The following PIP5K1C variants were observed in gnomAD, a reference collection of about 807,000 sequenced individuals.
PIP5K1C encodes phosphatidylinositol 4-phosphate 5-kinase type-1 gamma.
A neutral mutation model predicts 80.1 loss-of-function variants in PIP5K1C; 45 were observed. The ratio of observed to expected loss-of-function variants is 0.56; its 90% confidence interval spans 0.44 to 0.72. The LOEUF (loss-of-function observed/expected upper bound fraction) is 0.72, where lower values mean the gene tolerates loss of function less well. PIP5K1C is among the 30% of genes least tolerant of loss of function. The pLI is 0.00. For missense variants in PIP5K1C, 753 were observed against 954.6 expected (o/e 0.79, Z 2.78); for synonymous variants, 498 against 420.1 (o/e 1.19, Z -2.27).
intron 2 of PIP5K1C, 115 bp from the exon 3 acceptor site, chr19:3,665,029 AG>A: frequency 1.2e-6 from 1 of 851,586 alleles, no homozygotes; most frequent in Non-Finnish European, 1.9e-6. Context: ...AGGGGTGCAC[AG>A]GGCAGGGGGC....
At chr19:3,656,084 G>A (rs1022428655) in intron 6 of PIP5K1C, among the ~76,000 whole-genome samples, 1 of 152,238 alleles carries the variant, frequency 6.6e-6, no homozygotes, top group Admixed American at 6.5e-5. Context: ...CCCGCAGGCT[G>A]CTGGTTCTGG....
In PIP5K1C at chr19:3,651,987, G is replaced by C. The variant is rs554029610; in HGVS notation, c.966C>G (p.Gly322=). The C allele has an allele frequency of 6.2e-7, 1 of 1,613,144 alleles. No homozygotes were observed. The highest frequency in any genetic ancestry group is 1.1e-5 in the South Asian group (1 of 91,090). The stretch of plus-strand genomic sequence containing the variant: ...GCTCGTGCTGGTCGATGTTGTGCAC[G>C]CCCAGCAGCAGGCTGTAGTCCATGA... The part of the protein sequence containing the change: ...FKIMDYSLLL[G]VHNIDQHERE... The change falls in exon 8 of 18, where the codon GGC becomes GGG. Residue 322 remains glycine, a synonymous_variant. Transcript: ENST00000335312.
intron 8 of PIP5K1C, among the ~76,000 whole-genome samples, chr19:3,650,467 G>A (rs2034396127): frequency 6.6e-6 from 1 of 152,258 alleles, no homozygotes; most frequent in African/African-American, 2.4e-5. Flanking sequence ...CATGTCTGGG[G>A]ACATCTGTGG....
chr19:3,667,295 G>C (rs918456394), intron 2 of PIP5K1C, 27 bp downstream of exon 2: 3 of 1,608,606 alleles, frequency 1.9e-6, no homozygotes, highest in Middle Eastern at 3.3e-4. Flanking sequence ...GGGGACCCCA[G>C]GCCCTTCGTC....
chr19:3,633,937 C>G (rs2033565681), intron 16 of PIP5K1C, among the ~76,000 whole-genome samples: 1 of 152,124 alleles, frequency 6.6e-6, no homozygotes, highest in African/African-American at 2.4e-5. Flanking sequence ...CCTGGAAGCT[C>G]TCTATGGGGG....
rs192463884 is a variant in PIP5K1C at position 3,680,619 on chromosome 19, T to C, written c.95-13266A>G. ...GCCCGGACTGTCTAAATACAATGTC[T>C]AATAAGAAAAGGTTTTAAGCACCTG... On this transcript the variant is annotated intron_variant, in intron 1 of 17. Transcript: ENST00000335312. 6.6e-5 allele frequency among the ~76,000 whole-genome samples: 10 copies of C among 152,328 alleles called. No homozygotes were observed. In the East Asian group the frequency reaches 1.2e-3, roughly 18 times the overall value.
chr19:3,691,435 C>T (rs938326520), intron 1 of PIP5K1C, among the ~76,000 whole-genome samples: 2 of 152,156 alleles, frequency 1.3e-5, no homozygotes, highest in Non-Finnish European at 2.9e-5. Flanking sequence ...CAACCAACCG[C>T]GAGCCCACGC....
chr19:3,656,458 C>T lies in PIP5K1C; in HGVS notation c.568G>A (p.Val190Ile), dbSNP rs1246673332. ...TSDDEFIIKTVMHKEAEFLQK... is the reference protein window; with the variant it reads ...TSDDEFIIKTIMHKEAEFLQK... ...AGGAACTCGGCCTCCTTGTGCATGA[C>T]GGTCTTGATGATGAACTCGTCGTCG... Residue 190 changes from valine to isoleucine, a missense_variant, in exon 6 of 18, where the codon GTC becomes ATC. Val to Ile is a conservative substitution (Grantham distance 29). Coordinates refer to ENST00000335312, the MANE Select transcript of PIP5K1C (RefSeq NM_012398.3). 4 of 1,613,684 alleles carry T rather than the reference C, an allele frequency of 2.5e-6. No homozygotes were observed. The highest frequency in any genetic ancestry group is 3.4e-6 in the Non-Finnish European group (4 of 1,180,024).
chr19:3,650,416 C>T (rs1261890121), intron 8 of PIP5K1C, among the ~76,000 whole-genome samples: 1 of 152,258 alleles, frequency 6.6e-6, no homozygotes, highest in Non-Finnish European at 1.5e-5. Flanking sequence ...GGCACAATCT[C>T]AGCACTGCTA....
At position 3,637,080 on chromosome 19, in the gene PIP5K1C, C is replaced by A; in HGVS notation, c.1920+1804G>T. On this transcript the variant is annotated intron_variant, in intron 16 of 17. Transcript: ENST00000335312. The surrounding 1 kb of genome is among the most constrained non-coding windows in gnomAD (Gnocchi z 7.0). Reference sequence around the variant, plus strand: ...TCTCCTCCCCGTCTCCATGGCCCTGCGGTTCAGAGCCCGGCCCTGCAGCCA... The same window carrying A: ...TCTCCTCCCCGTCTCCATGGCCCTGAGGTTCAGAGCCCGGCCCTGCAGCCA... The A allele has an allele frequency of 8.1e-7, 1 of 1,239,170 alleles. No individual in the cohort carries two copies. Among genetic ancestry groups the A allele is most frequent in the Admixed American group, 4.1e-5 (1 of 24,512 alleles). 76.8% of individuals were successfully genotyped at this position (1,239,170 alleles called of 1,614,324 possible).
intron 15 of PIP5K1C, among the ~76,000 whole-genome samples, chr19:3,639,878 C>T (rs1885094783): frequency 6.6e-6 from 1 of 152,198 alleles, no homozygotes; most frequent in Non-Finnish European, 1.5e-5. Flanking sequence ...AGGTGAGGAA[C>T]GGCCTTGGCC....
chr19:3,656,459 G>A lies in PIP5K1C; in HGVS notation c.567C>T (p.Thr189=), dbSNP rs34201806. The A allele has an allele frequency of 8.7e-4, 1,410 of 1,613,702 alleles. 8 individuals carry two copies. In the African/African-American group the frequency reaches 0.01, roughly 12 times the overall value. The change falls in exon 6 of 18, where the codon ACC becomes ACT. Residue 189 remains threonine, a synonymous_variant. Transcript: ENST00000335312. ...VTSDDEFIIK[T]VMHKEAEFLQ... ...GGAACTCGGCCTCCTTGTGCATGAC[G>A]GTCTTGATGATGAACTCGTCGTCGC...
At chr19:3,647,066 G>A (rs190417620) in intron 10 of PIP5K1C, among the ~76,000 whole-genome samples, 2 of 134,454 alleles carry the variant, frequency 1.5e-5, no homozygotes, top group Admixed American at 7.3e-5. Context: ...AGAGGGAGGA[G>A]GGATGGGAGG....
intron 1 of PIP5K1C, among the ~76,000 whole-genome samples, chr19:3,689,619 A>T (rs2035882747): frequency 6.6e-6 from 1 of 152,238 alleles, no homozygotes; most frequent in African/African-American, 2.4e-5. Flanking sequence ...ACTGCACTCC[A>T]GCCTGGACGA....
intron 1 of PIP5K1C, among the ~76,000 whole-genome samples, chr19:3,699,811 G>A (rs1262155316): frequency 6.6e-6 from 1 of 152,216 alleles, no homozygotes; most frequent in Non-Finnish European, 1.5e-5. Context: ...CGGGGCGGTG[G>A]AGGCATCTTG....
At chr19:3,657,472 T>TC (rs2034673321) in intron 5 of PIP5K1C, among the ~76,000 whole-genome samples, 1 of 152,072 alleles carries the variant, frequency 6.6e-6, no homozygotes, top group East Asian at 1.9e-4. Flanking sequence ...CAGAGCCAGC[T>TC]CCCCATCAGC....
rs558621675 is a variant in PIP5K1C, at chr19:3,642,973, A to G, written c.1650-34T>C. On this transcript the variant is annotated intron_variant, in intron 13 of 17. Transcript: ENST00000335312. ...ATACAGCAAACACGTGACACCCAGA[A>G]AGAGAGTGGCCCGCCTGCTCAGTCT... 14 of 1,612,274 alleles carry G rather than the reference A, an allele frequency of 8.7e-6. No homozygotes were observed. The East Asian group carries it at 1.3e-4, about 15-fold the overall frequency.
In PIP5K1C at chr19:3,656,483, G is replaced by A. The variant is rs753674329; in HGVS notation, c.543C>T (p.Ser181=). The A allele has an allele frequency of 7.4e-6, 12 of 1,613,676 alleles. No individual in the cohort carries two copies. In the Admixed American group the frequency reaches 1.3e-4, roughly 18 times the overall value. Residue 181 remains serine (S), a synonymous_variant, in exon 6 of 18, where the codon AGC becomes AGT. Transcript: ENST00000335312. The part of the protein sequence containing the change: ...GASGSLFYVT[S]DDEFIIKTVM... The stretch of plus-strand genomic sequence containing the variant: ...CGGTCTTGATGATGAACTCGTCGTC[G>A]CTGGTGACGTAGAAGAGGGAGCCAC...
Position 3,692,731 on chromosome 19 carries a change from G to C in PIP5K1C, c.94+7566C>G, listed in dbSNP as rs1600095875. On this transcript the variant is annotated intron_variant, in intron 1 of 17. Coordinates refer to ENST00000335312, the MANE Select transcript of PIP5K1C (RefSeq NM_012398.3). This position sits in a 1 kb window ranked among gnomAD's most constrained non-coding sequence, Gnocchi z 5.2. ...CCTGAGTCTCGCCCATCCCTCCTCT[G>C]CCCGCAGCCCTCCATGGCTCCCACC... Among the ~76,000 whole-genome samples, 1 of 151,806 alleles carries C rather than the reference G, an allele frequency of 6.6e-6. No homozygotes were observed. Among genetic ancestry groups the C allele is most frequent in the African/African-American group, 2.4e-5 (1 of 41,330 alleles).
Sources: allele counts gnomAD v4.1 joint callset (sites outside exome capture counted in the v4.1 genomes callset), GRCh38; gene constraint gnomAD v4.1.1; non-coding constraint Gnocchi (gnomAD v3.1); transcripts MANE v1.5; gene names NCBI Gene and HGNC (gene_info 2026-07-23, HGNC 2026-07-21).